Variants in LRMDA observed in about 807,000 individuals in gnomAD.
The protein encoded by LRMDA is leucine-rich melanocyte differentiation-associated protein.
Under a neutral mutation model 29.8 loss-of-function variants are expected in LRMDA, and 18 were observed. That is an observed-to-expected ratio of 0.60 (90% CI 0.42 to 0.90). The LOEUF is 0.90. Ranked by LOEUF, LRMDA falls within the 40% of genes least tolerant of loss-of-function variation. The probability of loss-of-function intolerance (pLI) is 0.00; values close to 1 mark genes in which losing one functional copy is unlikely to be tolerated. For synonymous variants in LRMDA, 125 were observed against 109.4 expected (o/e 1.14, Z -0.89); for missense variants, 273 against 273.9 (o/e 1.00, Z 0.02).
chr10:75,696,148 T>C (rs1208544011), intron 2 of LRMDA, among the ~76,000 whole-genome samples: 2 of 152,210 alleles, frequency 1.3e-5, no homozygotes, highest in Admixed American at 1.3e-4. Flanking sequence ...CTGCCCATTA[T>C]TGGTTTATCA....
At chr10:75,623,057 A>G (rs1486091026) in intron 2 of LRMDA, among the ~76,000 whole-genome samples, 1 of 152,230 alleles carries the variant, frequency 6.6e-6, no homozygotes, top group African/African-American at 2.4e-5. Context: ...CATTCTTTCA[A>G]ATATATAACT....
chr10:76,012,529 G>T (rs1847802452), intron 2 of LRMDA, among the ~76,000 whole-genome samples: 1 of 151,998 alleles, frequency 6.6e-6, no homozygotes, highest in South Asian at 2.1e-4. Flanking sequence ...TTAATTTTTG[G>T]CATTATCCTT....
intron 5 of LRMDA, among the ~76,000 whole-genome samples, chr10:76,097,855 A>G (rs1031230843): frequency 1.3e-5 from 2 of 152,152 alleles, no homozygotes; most frequent in Non-Finnish European, 2.9e-5. Context: ...TTAAACTGAT[A>G]CTAATTGTAC....
In LRMDA at chr10:76,223,261, T is replaced by TATAATA. The variant is rs939984187; in HGVS notation, c.517-101126_517-101121dup. 2.8e-4 allele frequency among the ~76,000 whole-genome samples: 43 copies of TATAATA among 151,638 alleles called. 1 individual carries two copies. The highest frequency in any genetic ancestry group is 6.8e-3 in the Middle Eastern group (2 of 294). On this transcript the variant is annotated intron_variant, in intron 5 of 6. Transcript: ENST00000611255. ...TGCACATGTACCCTAAAACTTAAAG[T>TATAATA]ATAATAATAATAATAATAAAAAAGA...
intron 5 of LRMDA, among the ~76,000 whole-genome samples, chr10:76,148,641 G>A (rs760922113): frequency 2.0e-5 from 3 of 152,092 alleles, no homozygotes; most frequent in Admixed American, 6.5e-5. Flanking sequence ...TGCACTTCCT[G>A]GGTGAGGCGA....
At chr10:75,614,102 C>T (rs1203027791) in intron 2 of LRMDA, among the ~76,000 whole-genome samples, 1 of 152,266 alleles carries the variant, frequency 6.6e-6, no homozygotes, top group Non-Finnish European at 1.5e-5. Context: ...ATTTTACATG[C>T]CATTTTCTTG....
intron 2 of LRMDA, among the ~76,000 whole-genome samples, chr10:75,448,584 A>G (rs944683008): frequency 6.6e-6 from 1 of 152,136 alleles, no homozygotes; most frequent in Non-Finnish European, 1.5e-5. Flanking sequence ...TGTCACAGTG[A>G]TGGGGGTGGG....
At chr10:76,462,261 G>A (rs1402918488) in intron 6 of LRMDA, among the ~76,000 whole-genome samples, 2 of 151,950 alleles carry the variant, frequency 1.3e-5, no homozygotes, top group East Asian at 3.9e-4. Context: ...TGAGGAGAAA[G>A]ATAGAAGAGT....
intron 5 of LRMDA, among the ~76,000 whole-genome samples, chr10:76,262,766 C>T (rs1464744933): frequency 1.3e-5 from 2 of 152,100 alleles, no homozygotes; most frequent in African/African-American, 4.8e-5. Context: ...CAAAGCAAAC[C>T]CTCTTGACAA....
At chr10:75,915,849 A>G (rs952510871) in intron 2 of LRMDA, among the ~76,000 whole-genome samples, 7 of 152,194 alleles carry the variant, frequency 4.6e-5, no homozygotes, top group African/African-American at 1.7e-4. Flanking sequence ...ATACCAGGCC[A>G]GTGAGTTGGT....
chr10:76,251,454 T>G (rs1481113606), intron 5 of LRMDA, among the ~76,000 whole-genome samples: 2 of 150,908 alleles, frequency 1.3e-5, no homozygotes, highest in East Asian at 3.9e-4. Flanking sequence ...GGGTTTCACC[T>G]TGTTAGCCAG....
At chr10:76,440,232 C>T (rs1842287510) in intron 6 of LRMDA, among the ~76,000 whole-genome samples, 1 of 152,214 alleles carries the variant, frequency 6.6e-6, no homozygotes, top group East Asian at 1.9e-4. Context: ...GAGCAAAGCT[C>T]ATTGGCCATG....
At chr10:75,825,653 A>G (rs536610667) in intron 2 of LRMDA, among the ~76,000 whole-genome samples, 1 of 152,330 alleles carries the variant, frequency 6.6e-6, no homozygotes, top group African/African-American at 2.4e-5. Context: ...TGCACATTGA[A>G]CATGATATAT....
intron 6 of LRMDA, among the ~76,000 whole-genome samples, chr10:76,510,102 G>A (rs761281402): frequency 1.1e-4 from 17 of 152,078 alleles, no homozygotes; most frequent in Non-Finnish European, 2.1e-4. Flanking sequence ...ACAGAGTCTG[G>A]CTTTGTTGTC....
intron 2 of LRMDA, among the ~76,000 whole-genome samples, chr10:75,692,964 G>A (rs1842190157): frequency 6.6e-6 from 1 of 152,152 alleles, no homozygotes; most frequent in South Asian, 2.1e-4. Flanking sequence ...CTGTGTCTTT[G>A]AATGTGTGAG....
At chr10:75,821,552 G>C (rs1283882663) in intron 2 of LRMDA, among the ~76,000 whole-genome samples, 6 of 152,112 alleles carry the variant, frequency 3.9e-5, no homozygotes, top group Non-Finnish European at 7.4e-5. Flanking sequence ...GGTGGATCAC[G>C]AGGTCAGGAG....
At chr10:76,300,770 C>CCT (rs936038207) in intron 5 of LRMDA, among the ~76,000 whole-genome samples, 4 of 152,194 alleles carry the variant, frequency 2.6e-5, no homozygotes, top group African/African-American at 9.6e-5. Flanking sequence ...GTGCAAAGAG[C>CCT]ACAGCACTTG....
At chr10:76,408,179 A>G (rs897119959) in intron 6 of LRMDA, among the ~76,000 whole-genome samples, 2 of 152,186 alleles carry the variant, frequency 1.3e-5, no homozygotes, top group South Asian at 2.1e-4. Flanking sequence ...GGAACATACA[A>G]TGAAATTTCT....
At chr10:76,060,157 T>G (rs1848681242) in intron 5 of LRMDA, among the ~76,000 whole-genome samples, 1 of 152,204 alleles carries the variant, frequency 6.6e-6, no homozygotes, top group African/African-American at 2.4e-5. Context: ...ACAAATGCAC[T>G]CTATAATATC....
Sources: allele counts gnomAD v4.1 joint callset (sites outside exome capture counted in the v4.1 genomes callset), GRCh38; gene constraint gnomAD v4.1.1; transcripts MANE v1.5; gene names NCBI Gene and HGNC (gene_info 2026-07-23, HGNC 2026-07-21).